Variants in RNF144A observed in about 807,000 individuals in gnomAD.
The protein encoded by RNF144A is ring finger protein 144A.
Under a neutral mutation model 38.7 loss-of-function variants are expected in RNF144A, and 11 were observed. That is an observed-to-expected ratio of 0.28 (90% CI 0.18 to 0.47). The LOEUF (loss-of-function observed/expected upper bound fraction) is 0.47. Among genes scored for constraint, RNF144A ranks in the 20% least tolerant of loss-of-function variants. RNF144A has a pLI of 0.99. For synonymous variants in RNF144A, 149 were observed against 143.9 expected (o/e 1.04, Z -0.25); for missense variants, 316 against 377.2 (o/e 0.84, Z 1.34).
chr2:7,061,961 C>T (rs1333282566), intron 6 of RNF144A, among the ~76,000 whole-genome samples: 2 of 152,180 alleles, frequency 1.3e-5, no homozygotes, highest in African/African-American at 2.4e-5. Context: ...TGATAAGTAA[C>T]TCATCATTCC....
At chr2:6,975,111 C>A (rs753439259) in intron 2 of RNF144A, among the ~76,000 whole-genome samples, 11 of 152,148 alleles carry the variant, frequency 7.2e-5, no homozygotes, top group South Asian at 4.1e-4. Flanking sequence ...GAGAAACTTA[C>A]AAAAGATAGG....
chr2:6,977,029 C>A (rs1255890935), intron 2 of RNF144A, among the ~76,000 whole-genome samples: 9 of 152,180 alleles, frequency 5.9e-5, no homozygotes, highest in African/African-American at 2.2e-4. Context: ...AGAAATTGGG[C>A]TTCTTGATCA....
chr2:6,975,690 G>A (rs1668266541), intron 2 of RNF144A, among the ~76,000 whole-genome samples: 1 of 152,194 alleles, frequency 6.6e-6, no homozygotes. Flanking sequence ...AGGTGTGGTT[G>A]TGGCACAGGC....
chr2:6,921,415 G>A (rs1664533242), intron 1 of RNF144A, among the ~76,000 whole-genome samples: 1 of 152,212 alleles, frequency 6.6e-6, no homozygotes, highest in African/African-American at 2.4e-5. Context: ...TACTCATTAT[G>A]GATTTGCCTG....
chr2:7,005,496 T>G (rs894766654), intron 3 of RNF144A, among the ~76,000 whole-genome samples: 3 of 152,146 alleles, frequency 2.0e-5, no homozygotes, highest in African/African-American at 7.2e-5. Context: ...GTGCAAAGGA[T>G]GAGTTCCAGG....
At chr2:6,951,744 T>C (rs1457450818) in intron 2 of RNF144A, among the ~76,000 whole-genome samples, 1 of 152,236 alleles carries the variant, frequency 6.6e-6, no homozygotes, top group Non-Finnish European at 1.5e-5. Context: ...CTGGAATGTA[T>C]AAATGTAATT....
chr2:7,052,687 CTGT>C (rs1435936976), intron 6 of RNF144A, among the ~76,000 whole-genome samples: 1 of 152,162 alleles, frequency 6.6e-6, no homozygotes, highest in African/African-American at 2.4e-5. Context: ...AAGACTCTGG[CTGT>C]GACCCCCATG....
intron 2 of RNF144A, among the ~76,000 whole-genome samples, chr2:6,976,260 C>T (rs967736808): frequency 6.6e-6 from 1 of 152,186 alleles, no homozygotes; most frequent in Non-Finnish European, 1.5e-5. Flanking sequence ...ACAGCCTCCC[C>T]CACAGGGTTT....
intron 1 of RNF144A, chr2:6,918,630 G>A (rs897674081): frequency 1.3e-5 from 2 of 151,154 alleles, no homozygotes; most frequent in Admixed American, 1.3e-4. Context: ...CGGGCGCAGT[G>A]GCGGGCGCCT....
At chr2:6,930,399 G>A (rs1205384624) in intron 1 of RNF144A, among the ~76,000 whole-genome samples, 1 of 151,854 alleles carries the variant, frequency 6.6e-6, no homozygotes, top group Non-Finnish European at 1.5e-5. Flanking sequence ...TTCATTTTTA[G>A]TGAAGTAAAT....
intron 3 of RNF144A, among the ~76,000 whole-genome samples, chr2:7,010,804 C>A (rs1301868962): frequency 1.3e-5 from 2 of 152,126 alleles, no homozygotes; most frequent in African/African-American, 4.8e-5. Flanking sequence ...CCAGGTGGGA[C>A]CCCTCCTCTC....
chr2:6,928,926 C>G (rs368906552), intron 1 of RNF144A, among the ~76,000 whole-genome samples: 6 of 152,310 alleles, frequency 3.9e-5, no homozygotes, highest in Middle Eastern at 3.4e-3. Flanking sequence ...GTGGCCCCTT[C>G]AGACCCTGTC....
intron 6 of RNF144A, among the ~76,000 whole-genome samples, chr2:7,059,077 G>A (rs974370371): frequency 6.6e-6 from 1 of 152,144 alleles, no homozygotes; most frequent in African/African-American, 2.4e-5. Context: ...GCTGGGCACC[G>A]TGGCTCACAC....
chr2:6,931,348 AT>A (rs1386534593), intron 1 of RNF144A, among the ~76,000 whole-genome samples: 2 of 152,282 alleles, frequency 1.3e-5, no homozygotes, highest in African/African-American at 2.4e-5. Context: ...GATTAAAGAA[AT>A]CATGCCTATG....
chr2:6,992,293 T>C (rs576973819), intron 2 of RNF144A, among the ~76,000 whole-genome samples: 1 of 152,178 alleles, frequency 6.6e-6, no homozygotes, highest in Admixed American at 6.5e-5. Flanking sequence ...TTTTAATGAG[T>C]CGGGGTTGGA....
At chr2:6,994,829 C>T (rs1421086493) in intron 2 of RNF144A, among the ~76,000 whole-genome samples, 7 of 152,364 alleles carry the variant, frequency 4.6e-5, no homozygotes, top group East Asian at 3.9e-4. Context: ...GGCCCACTCC[C>T]GCCCCAGACG....
At chr2:6,934,297 G>A (rs1275905699) in intron 1 of RNF144A, among the ~76,000 whole-genome samples, 1 of 152,056 alleles carries the variant, frequency 6.6e-6, no homozygotes, top group East Asian at 1.9e-4. Context: ...TCAGCCACTA[G>A]TATTTCTCTT....
chr2:6,940,557 T>A (rs546100124), intron 1 of RNF144A, among the ~76,000 whole-genome samples: 1 of 152,314 alleles, frequency 6.6e-6, no homozygotes, highest in Admixed American at 6.5e-5. Flanking sequence ...ATTTTATTTT[T>A]ATTTTATTAT....
intron 1 of RNF144A, among the ~76,000 whole-genome samples, chr2:6,934,955 C>CA (rs1015396219): frequency 2.1e-4 from 32 of 151,730 alleles, no homozygotes; most frequent in African/African-American, 5.8e-4. Flanking sequence ...GGTCATCACT[C>CA]AAAAAAAAGA....
Sources: allele counts gnomAD v4.1 joint callset (sites outside exome capture counted in the v4.1 genomes callset), GRCh38; gene constraint gnomAD v4.1.1; transcripts MANE v1.5; gene names NCBI Gene and HGNC (gene_info 2026-07-23, HGNC 2026-07-21).